Variants in SNAP25 observed in about 807,000 individuals in gnomAD.
SNAP25 encodes synaptosome associated protein 25, also known as synaptosomal-associated protein 25.
Under a neutral mutation model 28.7 loss-of-function variants are expected in SNAP25, and 3 were observed. The observed-to-expected ratio is 0.10, with a 90% CI of 0.05 to 0.27. The LOEUF is 0.27. Ranked by LOEUF, SNAP25 falls within the 10% of genes least tolerant of loss-of-function variation. The pLI is 1.00. For missense variants in SNAP25, 117 were observed against 278.7 expected, an observed-to-expected ratio of 0.42 and a Z score of 4.13; for synonymous variants, 61 against 88.1, an observed-to-expected ratio of 0.69 and a Z score of 1.72.
intron 1 of SNAP25, among the ~76,000 whole-genome samples, chr20:10,266,636 A>T (rs950963366): frequency 6.6e-6 from 1 of 152,242 alleles, no homozygotes; most frequent in African/African-American, 2.4e-5. Flanking sequence ...AAGGTTGTGC[A>T]ATATGAATAA....
At chr20:10,298,336 A>G (rs2064159554) in intron 6 of SNAP25, among the ~76,000 whole-genome samples, 1 of 152,166 alleles carries the variant, frequency 6.6e-6, no homozygotes, top group Non-Finnish European at 1.5e-5. Flanking sequence ...TTAGTTTTTT[A>G]ATTTTCTCTG....
chr20:10,233,322 A>C (rs990930966), intron 1 of SNAP25, among the ~76,000 whole-genome samples: 2 of 149,240 alleles, frequency 1.3e-5, no homozygotes, highest in Admixed American at 1.3e-4. Flanking sequence ...TTCCTTCCAG[A>C]CCTGCTTAGG....
chr20:10,286,146 G>A (rs1390573365), intron 4 of SNAP25, among the ~76,000 whole-genome samples: 1 of 152,112 alleles, frequency 6.6e-6, no homozygotes, highest in East Asian at 1.9e-4. Context: ...GTATCTGTCG[G>A]TGGGGAGACC....
At chr20:10,242,125 A>AT (rs746259919) in intron 1 of SNAP25, among the ~76,000 whole-genome samples, 3 of 152,282 alleles carry the variant, frequency 2.0e-5, no homozygotes, top group African/African-American at 4.8e-5. Context: ...AGAGAAGCTG[A>AT]TTCTAAGTCT....
chr20:10,283,849 C>T (rs2063825245), intron 3 of SNAP25, among the ~76,000 whole-genome samples: 1 of 152,160 alleles, frequency 6.6e-6, no homozygotes, highest in African/African-American at 2.4e-5. Flanking sequence ...AAGGCATTAA[C>T]TGATTAGGCT....
intron 1 of SNAP25, among the ~76,000 whole-genome samples, chr20:10,258,117 G>A (rs2063352770): frequency 6.6e-6 from 1 of 152,104 alleles, no homozygotes; most frequent in African/African-American, 2.4e-5. Flanking sequence ...TCAGGGTCCA[G>A]ACTCTGTGAA....
intron 1 of SNAP25, among the ~76,000 whole-genome samples, chr20:10,255,455 A>C (rs374352522): frequency 1.2e-4 from 19 of 152,284 alleles, no homozygotes; most frequent in Admixed American, 4.6e-4. Context: ...TAACACCCAC[A>C]CACACACATA....
At chr20:10,301,535 T>C (rs1198677395) in intron 7 of SNAP25, among the ~76,000 whole-genome samples, 1 of 152,106 alleles carries the variant, frequency 6.6e-6, no homozygotes, top group African/African-American at 2.4e-5. Context: ...CTCATTGAAG[T>C]TCTCATTTCT....
intron 1 of SNAP25, among the ~76,000 whole-genome samples, chr20:10,254,751 G>T (rs533582685): frequency 2.2e-4 from 34 of 152,216 alleles, no homozygotes; most frequent in Non-Finnish European, 4.3e-4. Flanking sequence ...ATCCTCCAAG[G>T]AAAAAACAGT....
chr20:10,269,004 C>CA (rs56157188), intron 1 of SNAP25, among the ~76,000 whole-genome samples: 79,934 of 152,022 alleles, frequency 0.53, 21,644 homozygotes, highest in African/African-American at 0.65. Flanking sequence ...TATAACCTTG[C>CA]AATCAATCAT....
intron 1 of SNAP25, among the ~76,000 whole-genome samples, chr20:10,268,800 C>T (rs576689669): frequency 1.3e-5 from 2 of 152,268 alleles, no homozygotes; most frequent in South Asian, 2.1e-4. Flanking sequence ...ACCCTTGACA[C>T]TGAAGAATAA....
At position 10,293,157 on chromosome 20, in the gene SNAP25, T is replaced by C. The variant is rs138078125; in HGVS notation, c.164-4T>C. ...GTGGGGATAAAATACTTGTGTTTAA[T>C]CAGAACAACTGGAACGCATTGAGGA... On this transcript the variant is annotated splice_region_variant and splice_polypyrimidine_tract_variant and intron_variant, in intron 4 of 7. Coordinates refer to ENST00000254976, the MANE Select transcript of SNAP25 (RefSeq NM_130811.4). This position sits in a 1 kb window ranked among gnomAD's most constrained non-coding sequence, Gnocchi z 5.6. The C allele has an allele frequency of 4.3e-6, 7 of 1,612,358 alleles. No individual in the cohort carries two copies. In the East Asian group the frequency reaches 1.6e-4, roughly 36 times the overall value.
At chr20:10,304,153 A>T (rs1390418426) in intron 7 of SNAP25, among the ~76,000 whole-genome samples, 2 of 152,240 alleles carry the variant, frequency 1.3e-5, no homozygotes, top group Non-Finnish European at 2.9e-5. Context: ...GGTTGCTAGC[A>T]TTCAGACTCT....
chr20:10,222,916 T>C lies in SNAP25; in HGVS notation c.-64+3939T>C, dbSNP rs141698968. On this transcript the variant is annotated intron_variant, in intron 1 of 7. Coordinates refer to ENST00000254976, the MANE Select transcript of SNAP25 (RefSeq NM_130811.4). ...CAAGTTGAGCACTTGCCAGGCAGAC[T>C]GAAAAGAAAGTCAAGAATCTGGTGA... Among the ~76,000 whole-genome samples, 451 of 152,332 alleles carry C rather than the reference T, an allele frequency of 3.0e-3. 2 individuals carry two copies. The highest frequency in any genetic ancestry group is 0.017 in the Middle Eastern group (5 of 294).
chr20:10,255,642 A>G (rs1221008724), intron 1 of SNAP25, among the ~76,000 whole-genome samples: 3 of 152,228 alleles, frequency 2.0e-5, no homozygotes, highest in Non-Finnish European at 4.4e-5. Flanking sequence ...TAAAAATATT[A>G]GTAGGCAAAT....
At chr20:10,225,114 T>C (rs751817297) in intron 1 of SNAP25, among the ~76,000 whole-genome samples, 5 of 151,726 alleles carry the variant, frequency 3.3e-5, no homozygotes, top group African/African-American at 7.3e-5. Context: ...TTTAAAAACA[T>C]AGGACAAGGA....
intron 5 of SNAP25, chr20:10,296,329 T>A (rs1385819111): frequency 1.3e-5 from 2 of 154,756 alleles, no homozygotes; most frequent in Non-Finnish European, 2.9e-5. Context: ...CAAATCACTC[T>A]AGAGGCAATG....
chr20:10,277,392 CA>C (rs1473202253), intron 2 of SNAP25, among the ~76,000 whole-genome samples: 1 of 152,202 alleles, frequency 6.6e-6, no homozygotes, highest in Admixed American at 6.5e-5. Context: ...TCTGAGCATG[CA>C]AAATTATCTT....
At position 10,220,667 on chromosome 20, in the gene SNAP25, A is replaced by T. The variant is rs193299983; in HGVS notation, c.-64+1690A>T. 8.8e-3 allele frequency among the ~76,000 whole-genome samples: 1,340 copies of T among 152,380 alleles called. 9 individuals carry two copies. The highest frequency in any genetic ancestry group is 0.014 in the Non-Finnish European group (985 of 68,040). On this transcript the variant is annotated intron_variant, in intron 1 of 7. Transcript: ENST00000254976. The stretch of plus-strand genomic sequence containing the variant: ...TGATGTAGATAAAACTGGCATAAAA[A>T]TGACCAGAGTCAAAATTATGCCATT...
Sources: allele counts gnomAD v4.1 joint callset (sites outside exome capture counted in the v4.1 genomes callset), GRCh38; gene constraint gnomAD v4.1.1; non-coding constraint Gnocchi (gnomAD v3.1); transcripts MANE v1.5; gene names NCBI Gene and HGNC (gene_info 2026-07-23, HGNC 2026-07-21).